TENM3: variants seen among roughly 807,000 people sequenced by gnomAD.
The protein encoded by TENM3 is teneurin-3.
Under a neutral mutation model 255.1 loss-of-function variants are expected in TENM3, and 63 were observed. The observed-to-expected ratio is 0.25, with a 90% CI of 0.20 to 0.30. The LOEUF is 0.30. TENM3 is among the 10% of genes least tolerant of loss of function. The pLI is 1.00. For synonymous variants in TENM3, 1,306 were observed against 1,322.3 expected (o/e 0.99, Z 0.27); for missense variants, 2,929 against 3,461.1 (o/e 0.85, Z 3.86).
At chr4:181,522,240 T>A in the TENM3 span, among the ~76,000 whole-genome samples, 7 of 149,152 alleles carry the variant, frequency 4.7e-5, no homozygotes, top group South Asian at 4.4e-4. Flanking sequence ...AAATTTCACA[T>A]CAATGAGAAG....
chr4:181,757,340 T>C, the TENM3 span, among the ~76,000 whole-genome samples: 1 of 152,192 alleles, frequency 6.6e-6, no homozygotes, highest in Non-Finnish European at 1.5e-5. Flanking sequence ...TTGCAGAGAA[T>C]GACAAGGTTG....
chr4:181,525,238 C>T, the TENM3 span, among the ~76,000 whole-genome samples: 544 of 151,894 alleles, frequency 3.6e-3, no homozygotes, highest in Middle Eastern at 0.014. Flanking sequence ...TGGTGAAACC[C>T]CGTCTCTACC....
chr4:182,680,773 T>C (rs370463733), intron 10 of TENM3, 36 bp downstream of exon 10: 8 of 1,437,862 alleles, frequency 5.6e-6, no homozygotes, highest in Non-Finnish European at 6.5e-6. Flanking sequence ...TCTGTTGTTA[T>C]CTTCATAAAG....
the TENM3 span, among the ~76,000 whole-genome samples, chr4:181,821,906 G>A: frequency 1.3e-5 from 2 of 152,156 alleles, no homozygotes; most frequent in Admixed American, 1.3e-4. Flanking sequence ...GGCAACAATA[G>A]ATCACGTTTC....
the TENM3 span, among the ~76,000 whole-genome samples, chr4:181,454,691 T>TTTTTTTTTTTTTAC: frequency 2.0e-5 from 3 of 150,230 alleles, no homozygotes; most frequent in Admixed American, 1.3e-4. Flanking sequence ...ACTTTTTTTT[T>TTTTTTTTTTTTTAC]CTGGTGTGCC....
At chr4:182,017,630 A>G in the TENM3 span, among the ~76,000 whole-genome samples, 1 of 152,230 alleles carries the variant, frequency 6.6e-6, no homozygotes, top group Non-Finnish European at 1.5e-5. Flanking sequence ...CCTAGGACCT[A>G]AATAAAATAG....
the TENM3 span, among the ~76,000 whole-genome samples, chr4:181,554,297 A>G: frequency 6.6e-6 from 1 of 152,314 alleles, no homozygotes; most frequent in South Asian, 2.1e-4. Flanking sequence ...TGTCAGTCTC[A>G]TGTACAGCTA....
At chr4:182,368,616 G>A (rs1766585397) in intron 3 of TENM3, among the ~76,000 whole-genome samples, 1 of 152,178 alleles carries the variant, frequency 6.6e-6, no homozygotes, top group Non-Finnish European at 1.5e-5. Flanking sequence ...GCTATATAGT[G>A]TAGCCTTAAA....
intron 27 of TENM3, among the ~76,000 whole-genome samples, chr4:182,797,814 C>T (rs1481843659): frequency 6.6e-6 from 1 of 152,138 alleles, no homozygotes; most frequent in African/African-American, 2.4e-5. Context: ...ACCCCTTGAG[C>T]AATTTCCTAT....
the TENM3 span, among the ~76,000 whole-genome samples, chr4:182,137,968 T>A: frequency 6.6e-6 from 1 of 152,252 alleles, no homozygotes; most frequent in South Asian, 2.1e-4. Context: ...AATTATTTTG[T>A]GTAAGTCCTG....
the TENM3 span, among the ~76,000 whole-genome samples, chr4:181,510,577 G>A: frequency 6.6e-6 from 1 of 151,234 alleles, no homozygotes; most frequent in African/African-American, 2.4e-5. Context: ...TTTAAAAAAA[G>A]AAAGTGTAAC....
chr4:182,332,305 G>A (rs998736559), intron 2 of TENM3, among the ~76,000 whole-genome samples: 1 of 152,196 alleles, frequency 6.6e-6, no homozygotes, highest in African/African-American at 2.4e-5. Flanking sequence ...CTTCCAAAAT[G>A]TATGGGAGAC....
the TENM3 span, among the ~76,000 whole-genome samples, chr4:182,051,109 C>T: frequency 6.6e-6 from 1 of 151,576 alleles, no homozygotes. Context: ...TTTGGGAGGC[C>T]GAGGCAGGTG....
chr4:182,505,496 G>A (rs557608173), intron 3 of TENM3, among the ~76,000 whole-genome samples: 2 of 150,682 alleles, frequency 1.3e-5, no homozygotes, highest in South Asian at 4.2e-4. Flanking sequence ...TTATTTTTTT[G>A]AGACAGAGTT....
the TENM3 span, among the ~76,000 whole-genome samples, chr4:181,701,576 T>C: frequency 9.6e-6 from 1 of 104,452 alleles, no homozygotes; most frequent in African/African-American, 2.9e-5. Context: ...CAGTCTGAAA[T>C]AAATCAGTTT....
At chr4:182,110,518 G>T in the TENM3 span, among the ~76,000 whole-genome samples, 1 of 151,978 alleles carries the variant, frequency 6.6e-6, no homozygotes, top group East Asian at 2.0e-4. Flanking sequence ...TAAAGACTGG[G>T]TTTCACCTAA....
intron 3 of TENM3, among the ~76,000 whole-genome samples, chr4:182,571,942 C>T (rs1425444089): frequency 1.3e-5 from 2 of 152,162 alleles, no homozygotes; most frequent in African/African-American, 2.4e-5. Flanking sequence ...CGCTCTGTCA[C>T]CCAGGCTGGA....
At chr4:182,786,662 A>G (rs969773485) in intron 24 of TENM3, among the ~76,000 whole-genome samples, 7 of 151,982 alleles carry the variant, frequency 4.6e-5, no homozygotes, top group African/African-American at 1.7e-4. Flanking sequence ...GATTTCCCAT[A>G]CTCCAACCAG....
the TENM3 span, among the ~76,000 whole-genome samples, chr4:182,011,495 G>C: frequency 6.6e-6 from 1 of 152,116 alleles, no homozygotes; most frequent in Non-Finnish European, 1.5e-5. Flanking sequence ...CATCATCTGA[G>C]CTGTAGCAAA....
Sources: allele counts gnomAD v4.1 joint callset (sites outside exome capture counted in the v4.1 genomes callset), GRCh38; gene constraint gnomAD v4.1.1; transcripts MANE v1.5; gene names NCBI Gene and HGNC (gene_info 2026-07-23, HGNC 2026-07-21).